CFAP54: variants seen among roughly 807,000 people sequenced by gnomAD.
CFAP54 encodes cilia- and flagella-associated protein 54.
Under a neutral mutation model 370.4 loss-of-function variants are expected in CFAP54, and 290 were observed. The ratio of observed to expected loss-of-function variants is 0.78; its 90% confidence interval spans 0.71 to 0.86. The LOEUF (loss-of-function observed/expected upper bound fraction) is 0.86. Among genes scored for constraint, CFAP54 ranks in the 40% least tolerant of loss-of-function variants. The pLI, the probability that CFAP54 is intolerant of heterozygous loss-of-function variation, is 0.00. For synonymous variants in CFAP54, 1,206 were observed against 1,236.5 expected, an observed-to-expected ratio of 0.98 and a Z score of 0.52; for missense variants, 3,399 against 3,528.7, an observed-to-expected ratio of 0.96 and a Z score of 0.93.
intron 63 of CFAP54, among the ~76,000 whole-genome samples, chr12:96,799,657 C>T (rs1166011162): frequency 6.6e-6 from 1 of 152,158 alleles, no homozygotes; most frequent in Admixed American, 6.6e-5. Flanking sequence ...CTCCAGATAC[C>T]TTTCATGCTA....
intron 66 of CFAP54, among the ~76,000 whole-genome samples, chr12:96,848,760 T>A (rs1959444884): frequency 6.6e-6 from 1 of 152,226 alleles, no homozygotes; most frequent in Non-Finnish European, 1.5e-5. Context: ...ATATTATGTT[T>A]AAAAAACCCC....
At chr12:96,714,060 A>ATCTCAATACAGAAACCAGAGTTAGGC in intron 48 of CFAP54, among the ~76,000 whole-genome samples, 1 of 152,354 alleles carries the variant, frequency 6.6e-6, no homozygotes, top group Middle Eastern at 3.4e-3. Context: ...TGGTTTCTGT[A>ATCTCAATACAGAAACCAGAGTTAGGC]TTGAGACTAG....
chr12:96,743,734 A>G lies in CFAP54; in HGVS notation c.7381A>G (p.Ile2461Val). The change falls in exon 54 of 68, where the codon ATA (isoleucine) becomes GTA (valine). Residue 2461 changes from isoleucine to valine, a missense_variant. By Grantham distance (29) the Ile-to-Val change is conservative (BLOSUM62 3). Transcript: ENST00000524981. ...ATGAATAATTTTATTTTAATAGGAT[A>G]TAATACATTTGCTGGAAGGAAATGA... ...KADIMTNLQD[I>V]IHLLEGNEFI... 2 of 1,600,032 alleles carry G rather than the reference A, an allele frequency of 1.2e-6. No individual in the cohort carries two copies. The highest frequency in any genetic ancestry group is 1.7e-6 in the Non-Finnish European group (2 of 1,173,546).
intron 50 of CFAP54, among the ~76,000 whole-genome samples, chr12:96,722,708 T>G (rs1957772290): frequency 6.6e-6 from 1 of 152,108 alleles, no homozygotes; most frequent in Non-Finnish European, 1.5e-5. Flanking sequence ...AGCAAGGAGA[T>G]GAATTAAGGA....
intron 26 of CFAP54, among the ~76,000 whole-genome samples, chr12:96,599,829 T>C (rs564887770): frequency 6.6e-6 from 1 of 152,308 alleles, no homozygotes; most frequent in South Asian, 2.1e-4. Context: ...TCTGTTCATA[T>C]CCTTTGCCCA....
chr12:96,627,200 G>T (rs1407363720), intron 30 of CFAP54, among the ~76,000 whole-genome samples: 5 of 152,180 alleles, frequency 3.3e-5, no homozygotes, highest in Non-Finnish European at 7.3e-5. Flanking sequence ...ATTGAGTCAG[G>T]ATGGATAATA....
chr12:96,511,437 G>A (rs1447559740), intron 4 of CFAP54, among the ~76,000 whole-genome samples: 1 of 152,180 alleles, frequency 6.6e-6, no homozygotes, highest in African/African-American at 2.4e-5. Flanking sequence ...TCCTGCCTCA[G>A]CCTCCTGAGT....
At chr12:96,770,335 C>G (rs1224544723) in intron 60 of CFAP54, among the ~76,000 whole-genome samples, 1 of 152,084 alleles carries the variant, frequency 6.6e-6, no homozygotes, top group Admixed American at 6.5e-5. Flanking sequence ...AAACTCCACT[C>G]AGAGATTCAT....
chr12:96,509,546 T>A (rs1301925107), intron 4 of CFAP54, among the ~76,000 whole-genome samples: 1 of 152,196 alleles, frequency 6.6e-6, no homozygotes, highest in East Asian at 1.9e-4. Context: ...CTGCACACAG[T>A]GGCTCACACC....
Position 96,639,033 on chromosome 12 carries a change from A to G in CFAP54, c.4317-5145A>G, listed in dbSNP as rs1956694701. Among the ~76,000 whole-genome samples, 3 of 152,118 alleles carry G rather than the reference A, an allele frequency of 2.0e-5. No homozygotes were observed. The South Asian group carries it at 6.2e-4, about 32-fold the overall frequency. ...TTTTAATTGTGATGTTAGGGTGTCA[A>G]TTTTAGATCTTTGTTGCTTTCTCTT... On this transcript the variant is annotated intron_variant, in intron 32 of 67. Transcript: ENST00000524981.
At chr12:96,615,368 G>T (rs1956403947) in intron 26 of CFAP54, among the ~76,000 whole-genome samples, 1 of 152,046 alleles carries the variant, frequency 6.6e-6, no homozygotes, top group Non-Finnish European at 1.5e-5. Flanking sequence ...AATTCAAGAT[G>T]GATTAAAGAC....
rs997245615 is a variant in CFAP54, at chr12:96,753,826, G to A, written c.7768G>A (p.Val2590Met). 24 of 1,613,942 alleles carry A rather than the reference G, an allele frequency of 1.5e-5. No homozygotes were observed. The Admixed American group carries it at 4.0e-4, about 27-fold the overall frequency. The change falls in exon 56 of 68, where the codon GTG (valine) becomes ATG (methionine). Residue 2590 changes from valine to methionine, a missense_variant. Coordinates refer to ENST00000524981, the MANE Select transcript of CFAP54 (RefSeq NM_001306084.2). ...KWLPALHLFD[V>M]ALKLCRTTAV... ...GTTACCTGCTCTTCATCTGTTTGAT[G>A]TGGCACTGAAGCTCTGTAGAACAAC...
At chr12:96,542,979 C>T (rs1021097771) in intron 14 of CFAP54, among the ~76,000 whole-genome samples, 14 of 152,178 alleles carry the variant, frequency 9.2e-5, no homozygotes, top group Non-Finnish European at 1.8e-4. Flanking sequence ...CCATTTCCCT[C>T]CATGTGATGT....
rs150402304 is a variant in CFAP54, at chr12:96,647,928, T to C, written c.4601T>C (p.Leu1534Ser). The C allele has an allele frequency of 3.2e-4, 481 of 1,517,438 alleles. 1 individual carries two copies. In the African/African-American group the frequency reaches 5.7e-3, roughly 18 times the overall value. 94.0% of individuals were successfully genotyped at this position (1,517,438 alleles called of 1,614,324 possible). A position where few individuals can be genotyped will look rare whatever the true frequency, so the allele number is the denominator to read the frequency against. Residue 1534 changes from leucine to serine, a missense_variant, in exon 34 of 68, where the codon TTA becomes TCA. Physicochemically the swap from Leu to Ser is moderately radical, Grantham distance 145. Transcript: ENST00000524981. ...MFSLYNSGTVLPTRKLTVENY... is the reference protein window; with the variant it reads ...MFSLYNSGTVSPTRKLTVENY... ...TCACTGTATAATTCAGGAACAGTAT[T>C]ACCAACAAGAAAATTGACTGTAGAA...
chr12:96,814,685 C>T (rs560033921), intron 64 of CFAP54, among the ~76,000 whole-genome samples: 2 of 152,294 alleles, frequency 1.3e-5, no homozygotes, highest in East Asian at 3.9e-4. Flanking sequence ...AGGTATTTGT[C>T]CTAATGCTCT....
At chr12:96,493,561 A>G (rs1954910363) in intron 1 of CFAP54, among the ~76,000 whole-genome samples, 1 of 152,228 alleles carries the variant, frequency 6.6e-6, no homozygotes, top group Admixed American at 6.5e-5. Flanking sequence ...CAATCCCAGC[A>G]CTTTGAGAGG....
chr12:96,623,933 G>T (rs145711264), intron 28 of CFAP54, 52 bp downstream of exon 28: 1 of 1,164,908 alleles, frequency 8.6e-7, no homozygotes, highest in East Asian at 2.6e-5. Flanking sequence ...TTTTTAAAAC[G>T]AGAAACTATT....
chr12:96,523,641 A>G (rs1955344075), intron 8 of CFAP54, among the ~76,000 whole-genome samples: 1 of 152,136 alleles, frequency 6.6e-6, no homozygotes, highest in South Asian at 2.1e-4. Flanking sequence ...AGCTGCCTGC[A>G]TCTGGTATTA....
chr12:96,636,611 T>C (rs1956666600), intron 32 of CFAP54, among the ~76,000 whole-genome samples: 1 of 152,230 alleles, frequency 6.6e-6, no homozygotes, highest in African/African-American at 2.4e-5. Flanking sequence ...CTTGATTTTC[T>C]TTTTCATTAC....
Sources: allele counts gnomAD v4.1 joint callset (sites outside exome capture counted in the v4.1 genomes callset), GRCh38; gene constraint gnomAD v4.1.1; transcripts MANE v1.5; gene names NCBI Gene and HGNC (gene_info 2026-07-23, HGNC 2026-07-21).